The following NPAS3 variants were observed in gnomAD, a reference collection of about 807,000 sequenced individuals.
NPAS3 encodes neuronal PAS domain-containing protein 3.
In NPAS3, 14 loss-of-function variants were observed where a neutral mutation model predicts 73.1. That is an observed-to-expected ratio of 0.19 (90% CI 0.13 to 0.30). The LOEUF (loss-of-function observed/expected upper bound fraction) is 0.30, where lower values mean the gene tolerates loss of function less well. Among genes scored for constraint, NPAS3 ranks in the 10% least tolerant of loss-of-function variants. The pLI is 1.00. For synonymous variants in NPAS3, 620 were observed against 541.5 expected, an observed-to-expected ratio of 1.14 and a Z score of -2.01; for missense variants, 1,096 against 1,250.0, an observed-to-expected ratio of 0.88 and a Z score of 1.86.
intron 5 of NPAS3, among the ~76,000 whole-genome samples, chr14:33,564,833 T>C (rs1276993769): frequency 6.6e-6 from 1 of 152,128 alleles, no homozygotes; most frequent in East Asian, 1.9e-4. Context: ...ACAACAAAAA[T>C]GAGATCTAGA....
chr14:33,031,917 A>G (rs532989444), intron 1 of NPAS3, among the ~76,000 whole-genome samples: 2 of 152,122 alleles, frequency 1.3e-5, no homozygotes, highest in Non-Finnish European at 2.9e-5. Flanking sequence ...TGTAATAGAC[A>G]TATAATTTGC....
intron 9 of NPAS3, among the ~76,000 whole-genome samples, chr14:33,785,434 C>CAAA (rs1223437695): frequency 0.06 from 4,503 of 75,202 alleles, 189 homozygotes; most frequent in Non-Finnish European, 0.09. Context: ...GACTCCATCT[C>CAAA]AAAAAAAAAA....
At chr14:32,958,293 TCA>T (rs1332283080) in intron 1 of NPAS3, among the ~76,000 whole-genome samples, 2 of 152,174 alleles carry the variant, frequency 1.3e-5, no homozygotes, top group Non-Finnish European at 1.5e-5. Flanking sequence ...ACCATTATCT[TCA>T]GTCTTTCCTT....
At chr14:33,625,076 T>G (rs540203261) in intron 5 of NPAS3, among the ~76,000 whole-genome samples, 50 of 152,346 alleles carry the variant, frequency 3.3e-4, no homozygotes, top group African/African-American at 1.2e-3. Flanking sequence ...TTTATTTAAT[T>G]AGAAACATAA....
intron 1 of NPAS3, among the ~76,000 whole-genome samples, chr14:32,967,059 G>A (rs2037204469): frequency 1.3e-5 from 2 of 152,008 alleles, no homozygotes; most frequent in African/African-American, 2.4e-5. Context: ...AGATACAGTT[G>A]AACCTTGAAA....
At chr14:33,066,304 C>T (rs1310421885) in intron 2 of NPAS3, among the ~76,000 whole-genome samples, 5 of 152,094 alleles carry the variant, frequency 3.3e-5, no homozygotes, top group Non-Finnish European at 5.9e-5. Context: ...GATGGAAGGT[C>T]GAGGGCATTC....
intron 2 of NPAS3, among the ~76,000 whole-genome samples, chr14:33,208,820 A>T: frequency 6.6e-6 from 1 of 152,226 alleles, no homozygotes; most frequent in African/African-American, 2.4e-5. Flanking sequence ...CCAAACAACC[A>T]TTACAACTGG....
chr14:33,298,237 C>T (rs780633002), intron 3 of NPAS3, among the ~76,000 whole-genome samples: 23 of 152,214 alleles, frequency 1.5e-4, no homozygotes, highest in Middle Eastern at 6.8e-3. Context: ...GAGCCAAGAT[C>T]GTACCACCGC....
At chr14:33,183,443 T>G (rs2045874851) in intron 2 of NPAS3, among the ~76,000 whole-genome samples, 1 of 97,526 alleles carries the variant, frequency 1.0e-5, no homozygotes, top group African/African-American at 3.0e-5. Context: ...TTTTTTTTTT[T>G]TTTTTTTTTT....
Position 33,800,968 on chromosome 14 carries a change from C to G in NPAS3, c.2661C>G (p.Gly887=), listed in dbSNP as rs772627206. The G allele has an allele frequency of 2.5e-6, 4 of 1,594,508 alleles. No homozygotes were observed. Among genetic ancestry groups the G allele is most frequent in the Middle Eastern group, 3.3e-4 (2 of 6,040 alleles). The change falls in exon 12 of 12, where the codon GGC becomes GGG. Residue 887 remains glycine (G), a synonymous_variant. Transcript: ENST00000356141. The surrounding 1 kb of genome is among the most constrained non-coding windows in gnomAD (Gnocchi z 6.5). ...TCAACATGTCAGGACCGTTCGGCGG[C>G]GCAGTGAGCGCAGCTAGCCTGACGC...
At chr14:33,223,111 A>C (rs1261160329) in intron 3 of NPAS3, among the ~76,000 whole-genome samples, 1 of 152,112 alleles carries the variant, frequency 6.6e-6, no homozygotes, top group Non-Finnish European at 1.5e-5. Context: ...GGAGTTCGAG[A>C]CCAGCCTGGC....
intron 1 of NPAS3, among the ~76,000 whole-genome samples, chr14:32,997,752 G>A (rs989064274): frequency 4.3e-5 from 6 of 138,444 alleles, no homozygotes; most frequent in Admixed American, 1.5e-4. Context: ...GTGAAACCCC[G>A]TCTCTACTAA....
At position 33,761,831 on chromosome 14, in the gene NPAS3, C is replaced by T. The variant is rs530075459; in HGVS notation, c.853-12506C>T. On this transcript the variant is annotated intron_variant, in intron 7 of 11. Transcript: ENST00000356141. ...TTGATGAATTCTTCCCATTTCATTC[C>T]ACATAGAAGATCCTTGTAAAATAAT... is the stretch of plus-strand genomic sequence containing the variant. 5.9e-5 allele frequency among the ~76,000 whole-genome samples: 9 copies of T among 152,232 alleles called. 1 individual carries two copies. The highest frequency in any genetic ancestry group is 2.2e-4 in the African/African-American group (9 of 41,528).
chr14:32,991,049 G>T (rs990279213), intron 1 of NPAS3, among the ~76,000 whole-genome samples: 1 of 151,466 alleles, frequency 6.6e-6, no homozygotes, highest in Non-Finnish European at 1.5e-5. Context: ...ATACAGGATA[G>T]TTATATACAG....
At chr14:32,957,717 T>C (rs955353029) in intron 1 of NPAS3, among the ~76,000 whole-genome samples, 1 of 152,194 alleles carries the variant, frequency 6.6e-6, no homozygotes, top group Non-Finnish European at 1.5e-5. Context: ...CATTTGCCTA[T>C]TCTCTTAACA....
chr14:33,308,531 T>TATACACACACACACACAC (rs1349895303), intron 3 of NPAS3, among the ~76,000 whole-genome samples: 1 of 116,008 alleles, frequency 8.6e-6, no homozygotes, highest in African/African-American at 4.0e-5. Flanking sequence ...TATATATACA[T>TATACACACACACACACAC]ACACACACAC....
At chr14:33,142,071 CTT>C (rs1052680547) in intron 2 of NPAS3, among the ~76,000 whole-genome samples, 29 of 151,414 alleles carry the variant, frequency 1.9e-4, no homozygotes. Context: ...TCTGTTAGAA[CTT>C]TAGTGATTTT....
intron 4 of NPAS3, among the ~76,000 whole-genome samples, chr14:33,442,412 TAA>T (rs59873637): frequency 0.18 from 26,323 of 147,594 alleles, 3,287 homozygotes; most frequent in African/African-American, 0.36. Flanking sequence ...GTTCCTGTCT[TAA>T]AAAAAAAAAA....
chr14:33,173,483 A>G (rs1245584153), intron 2 of NPAS3, among the ~76,000 whole-genome samples: 1 of 152,232 alleles, frequency 6.6e-6, no homozygotes, highest in African/African-American at 2.4e-5. Context: ...ATCAAAGTTC[A>G]CATGGTATAT....
Sources: allele counts gnomAD v4.1 joint callset (sites outside exome capture counted in the v4.1 genomes callset), GRCh38; gene constraint gnomAD v4.1.1; non-coding constraint Gnocchi (gnomAD v3.1); transcripts MANE v1.5; gene names NCBI Gene and HGNC (gene_info 2026-07-23, HGNC 2026-07-21).